Variants in AKAP7 observed in about 807,000 individuals in gnomAD.
The protein encoded by AKAP7 is A kinase (PRKA) anchor protein 7.
AKAP7 carries 39 observed loss-of-function variants against 39.5 expected under a neutral mutation model. The observed-to-expected ratio is 0.99, with a 90% CI of 0.76 to 1.29. AKAP7 has a LOEUF of 1.29. AKAP7 is among the 50% of genes most tolerant of loss of function. The probability of loss-of-function intolerance (pLI) is 0.00; values close to 1 mark genes in which losing one functional copy is unlikely to be tolerated. For missense variants in AKAP7, 414 were observed against 407.7 expected (o/e 1.02, Z -0.13); for synonymous variants, 140 against 139.1 (o/e 1.01, Z -0.05).
chr6:131,177,494 C>T (rs1804698197), intron 5 of AKAP7, among the ~76,000 whole-genome samples: 1 of 152,060 alleles, frequency 6.6e-6, no homozygotes, highest in African/African-American at 2.4e-5. Flanking sequence ...TAATCCAGTC[C>T]CATGAAAGTG....
Position 131,250,630 on chromosome 6 carries a change from G to T in AKAP7, c.850+30822G>T, listed in dbSNP as rs1434578124. 2.5e-6 allele frequency: 4 copies of T among 1,613,326 alleles called. No individual in the cohort carries two copies. The East Asian group carries it at 8.9e-5, about 36-fold the overall frequency. Reference sequence around the variant, plus strand: ...AAGGAAAAATCAGTAAGTGGGATTTGTACTGTGCAGAATCCTAAGTGCTTG... The same window carrying T: ...AAGGAAAAATCAGTAAGTGGGATTTTTACTGTGCAGAATCCTAAGTGCTTG... On this transcript the variant is annotated intron_variant, in intron 7 of 7. Coordinates refer to ENST00000431975, the MANE Select transcript of AKAP7 (RefSeq NM_016377.4).
intron 1 of AKAP7, among the ~76,000 whole-genome samples, chr6:131,144,015 C>G (rs1265269451): frequency 7.3e-6 from 1 of 137,640 alleles, no homozygotes; most frequent in East Asian, 2.1e-4. Context: ...CATCTTGCAC[C>G]GCCCTTAATC....
intron 7 of AKAP7, among the ~76,000 whole-genome samples, chr6:131,256,727 A>ATTC (rs899167530): frequency 6.6e-6 from 1 of 151,210 alleles, no homozygotes; most frequent in Non-Finnish European, 1.5e-5. Flanking sequence ...TATTATTATT[A>ATTC]TTATTATTAA....
chr6:131,204,137 A>G (rs1562211133), intron 6 of AKAP7, among the ~76,000 whole-genome samples: 1 of 152,222 alleles, frequency 6.6e-6, no homozygotes, highest in Non-Finnish European at 1.5e-5. Flanking sequence ...CATTAAAAAA[A>G]TGTTAAAAAT....
intron 7 of AKAP7, among the ~76,000 whole-genome samples, chr6:131,263,420 C>T (rs140723978): frequency 2.6e-5 from 4 of 152,236 alleles, no homozygotes; most frequent in Non-Finnish European, 5.9e-5. Flanking sequence ...AATGAGTTTC[C>T]CTCTCCTCAT....
chr6:131,148,038 G>A (rs141161576), intron 2 of AKAP7, among the ~76,000 whole-genome samples: 5 of 152,346 alleles, frequency 3.3e-5, no homozygotes, highest in African/African-American at 1.2e-4. Context: ...GGGGCTGGAT[G>A]TGTTTGTGGC....
intron 3 of AKAP7, chr6:131,164,190 C>G: frequency 3.2e-6 from 1 of 316,064 alleles, no homozygotes; most frequent in Non-Finnish European, 6.2e-6. Context: ...CCCACTCTTT[C>G]CCTTTTTTTC....
intron 2 of AKAP7, among the ~76,000 whole-genome samples, chr6:131,146,419 T>G (rs971205453): frequency 6.6e-6 from 1 of 152,066 alleles, no homozygotes; most frequent in Non-Finnish European, 1.5e-5. Flanking sequence ...ACCAGCCTGG[T>G]CAACATAGGG....
At chr6:131,269,102 G>A (rs1047213677) in intron 7 of AKAP7, among the ~76,000 whole-genome samples, 21 of 151,910 alleles carry the variant, frequency 1.4e-4, no homozygotes, top group East Asian at 9.6e-4. Context: ...ACTTTCTTTC[G>A]CCCAGGCTGG....
intron 5 of AKAP7, among the ~76,000 whole-genome samples, chr6:131,177,390 T>C (rs1804684958): frequency 6.6e-6 from 1 of 151,842 alleles, no homozygotes; most frequent in African/African-American, 2.4e-5. Flanking sequence ...GAAAAGTGAG[T>C]GGGTGCATGC....
chr6:131,244,589 T>G (rs139231528), intron 7 of AKAP7, among the ~76,000 whole-genome samples: 1 of 152,210 alleles, frequency 6.6e-6, no homozygotes, highest in African/African-American at 2.4e-5. Flanking sequence ...AGGCTTTGAC[T>G]ATCCATGCCG....
At chr6:131,192,695 T>C (rs117922835) in intron 5 of AKAP7, among the ~76,000 whole-genome samples, 91 of 152,316 alleles carry the variant, frequency 6.0e-4, no homozygotes, top group Non-Finnish European at 1.0e-3. Flanking sequence ...TTTAACAACA[T>C]TGATTCTTCC....
At chr6:131,263,810 G>A (rs981965650) in intron 7 of AKAP7, among the ~76,000 whole-genome samples, 3 of 152,110 alleles carry the variant, frequency 2.0e-5, no homozygotes, top group Non-Finnish European at 4.4e-5. Context: ...AAGTGGATGT[G>A]GCCTAGAGCC....
intron 7 of AKAP7, chr6:131,250,598 A>G (rs755872769): frequency 5.6e-6 from 9 of 1,614,012 alleles, no homozygotes; most frequent in Middle Eastern, 1.7e-4. Context: ...TCCTTTCTCA[A>G]GAGATGAAGG....
chr6:131,282,080 G>T lies in AKAP7; in HGVS notation c.*354G>T. 1 of 1,141,700 alleles carries T rather than the reference G, an allele frequency of 8.8e-7. No individual in the cohort carries two copies. The highest frequency in any genetic ancestry group is 4.7e-5 in the East Asian group (1 of 21,132). The allele number at this position is 1,141,700 out of a possible 1,614,324, so 70.7% of individuals were successfully genotyped here. On this transcript the variant is annotated 3_prime_UTR_variant, in exon 8 of 8. Transcript: ENST00000431975. ...GGAATACTGCCATTTATATTGCTTAGCAGGGCATTTGACTACTTTATCTGA... is the reference window on the plus strand; with the variant it reads ...GGAATACTGCCATTTATATTGCTTATCAGGGCATTTGACTACTTTATCTGA...
intron 5 of AKAP7, among the ~76,000 whole-genome samples, chr6:131,181,675 C>G (rs1239820160): frequency 6.6e-6 from 1 of 152,000 alleles, no homozygotes; most frequent in Non-Finnish European, 1.5e-5. Context: ...TTGTGTTGTC[C>G]ATGCTGCACC....
intron 3 of AKAP7, among the ~76,000 whole-genome samples, chr6:131,161,970 T>G (rs998522339): frequency 1.3e-5 from 2 of 152,272 alleles, no homozygotes; most frequent in Non-Finnish European, 2.9e-5. Flanking sequence ...GTATTTTGAT[T>G]TGACAGATGT....
intron 3 of AKAP7, chr6:131,164,555 A>T: frequency 2.7e-6 from 1 of 369,364 alleles, no homozygotes; most frequent in Non-Finnish European, 5.4e-6. Context: ...GACAGTAGTC[A>T]TTTCTACTGA....
At position 131,281,591 on chromosome 6, in the gene AKAP7, G is replaced by A. The variant is rs779408636; in HGVS notation, c.912G>A (p.Val304=). The change falls in exon 8 of 8, where the codon GTG becomes GTA. Residue 304 remains valine, a synonymous_variant. Coordinates refer to ENST00000431975, the MANE Select transcript of AKAP7 (RefSeq NM_016377.4). This position sits in a 1 kb window ranked among gnomAD's most constrained non-coding sequence, Gnocchi z 4.0. ...AELVRLSKRL[V]ENAVLKAVQQ... is the part of the protein sequence containing the mutation. ...TAGTAAGGCTCAGTAAGAGGCTGGTGGAGAACGCGGTGCTCAAGGCTGTCC... is the reference window on the plus strand; with the variant it reads ...TAGTAAGGCTCAGTAAGAGGCTGGTAGAGAACGCGGTGCTCAAGGCTGTCC... 5.6e-6 allele frequency: 9 copies of A among 1,613,464 alleles called. No homozygotes were observed. Among genetic ancestry groups the A allele is most frequent in the Non-Finnish European group, 5.9e-6 (7 of 1,179,740 alleles).
Sources: gnomAD v4.1 joint callset for allele counts (sites outside exome capture counted in the v4.1 genomes callset) on GRCh38, gnomAD v4.1.1 for gene constraint, Gnocchi (gnomAD v3.1) non-coding constraint, MANE v1.5 for transcripts, NCBI Gene and HGNC (gene_info 2026-07-23, HGNC 2026-07-21) for gene names.